The following EGFR variants were observed in gnomAD, a reference collection of about 807,000 sequenced individuals.
EGFR encodes epidermal growth factor receptor.
In EGFR, 58 loss-of-function variants were observed where a neutral mutation model predicts 143.0. The ratio of observed to expected loss-of-function variants is 0.41; its 90% CI spans 0.33 to 0.50. The LOEUF is 0.50. Ranked by LOEUF, EGFR falls within the 20% of genes least tolerant of loss-of-function variation. The pLI, the probability that EGFR is intolerant of heterozygous loss-of-function variation, is 0.39. For missense variants in EGFR, 1,307 were observed against 1,579.0 expected, an observed-to-expected ratio of 0.83 and a Z score of 2.92; for synonymous variants, 613 against 594.4, an observed-to-expected ratio of 1.03 and a Z score of -0.45.
intron 1 of EGFR, among the ~76,000 whole-genome samples, chr7:55,059,924 G>T (rs145440267): frequency 2.9e-3 from 445 of 152,076 alleles, no homozygotes; most frequent in Non-Finnish European, 4.8e-3. Flanking sequence ...GTGGAAGTAG[G>T]GCTGGAGACA....
chr7:55,165,235 AAAAG>A (rs1356397797), intron 14 of EGFR, 41 bp from the exon 15 acceptor site: 2 of 1,613,350 alleles, frequency 1.2e-6, no homozygotes, highest in South Asian at 1.1e-5. Flanking sequence ...TTTGAAAGAG[AAAAG>A]AAAGAGACAT....
chr7:55,052,596 C>T (rs1000535016), intron 1 of EGFR, among the ~76,000 whole-genome samples: 3 of 152,144 alleles, frequency 2.0e-5, no homozygotes, highest in Non-Finnish European at 2.9e-5. Flanking sequence ...AGGAAGCTTG[C>T]GAAGCTCAGG....
chr7:55,205,199 C>A, intron 27 of EGFR, 57 bp from the exon 28 acceptor site: 3 of 1,604,068 alleles, frequency 1.9e-6, no homozygotes, highest in Non-Finnish European at 2.5e-6. Flanking sequence ...ACCCAGGGAT[C>A]CTGCATGGGA....
At chr7:55,186,816 C>G (rs1413081552) in intron 20 of EGFR, among the ~76,000 whole-genome samples, 1 of 152,198 alleles carries the variant, frequency 6.6e-6, no homozygotes. Flanking sequence ...GGAAGCAGGT[C>G]AGAGCAGGAG....
intron 1 of EGFR, among the ~76,000 whole-genome samples, chr7:55,047,519 G>A (rs1788245526): frequency 6.6e-6 from 1 of 152,208 alleles, no homozygotes; most frequent in African/African-American, 2.4e-5. Flanking sequence ...GGAGGCAGAG[G>A]CAGGTGGATC....
chr7:55,160,990 A>G (rs1209080762), intron 12 of EGFR, among the ~76,000 whole-genome samples: 1 of 152,232 alleles, frequency 6.6e-6, no homozygotes. Flanking sequence ...CACACAGCCA[A>G]TGGCCCAATG....
chr7:55,168,299 CA>C (rs980963995), intron 15 of EGFR, among the ~76,000 whole-genome samples: 1 of 152,168 alleles, frequency 6.6e-6, no homozygotes, highest in African/African-American at 2.4e-5. Context: ...AATAGATGTG[CA>C]TCAGTATCTC....
At chr7:55,093,314 T>G (rs1791240586) in intron 1 of EGFR, among the ~76,000 whole-genome samples, 2 of 152,232 alleles carry the variant, frequency 1.3e-5, no homozygotes, top group African/African-American at 4.8e-5. Context: ...AAAATCATTT[T>G]TCTGTGCTTT....
intron 20 of EGFR, among the ~76,000 whole-genome samples, chr7:55,190,479 G>A (rs763528322): frequency 1.7e-4 from 26 of 152,000 alleles, no homozygotes; most frequent in Non-Finnish European, 2.9e-5. Flanking sequence ...GCTCTGACAT[G>A]CCAATTCAAC....
At chr7:55,139,857 T>C (rs951091827) in intron 1 of EGFR, among the ~76,000 whole-genome samples, 5 of 152,144 alleles carry the variant, frequency 3.3e-5, no homozygotes, top group African/African-American at 1.2e-4. Flanking sequence ...GTTTTGTGAA[T>C]TAAGATTTAC....
chr7:55,167,439 G>A (rs1786104427), intron 15 of EGFR, among the ~76,000 whole-genome samples: 1 of 150,870 alleles, frequency 6.6e-6, no homozygotes, highest in Non-Finnish European at 1.5e-5. Context: ...TGATGAGGAG[G>A]TGGGAGTCAC....
chr7:55,181,086 A>C, intron 19 of EGFR: 1 of 637,964 alleles, frequency 1.6e-6, no homozygotes, highest in Non-Finnish European at 2.7e-6. Flanking sequence ...TGCACCCAGG[A>C]GGGGCCCTCT....
At chr7:55,189,616 G>A (rs1445952469) in intron 20 of EGFR, among the ~76,000 whole-genome samples, 1 of 152,198 alleles carries the variant, frequency 6.6e-6, no homozygotes, top group Admixed American at 6.5e-5. Context: ...ATTTTAAATA[G>A]AGAGGGAGAA....
intron 4 of EGFR, among the ~76,000 whole-genome samples, chr7:55,147,165 T>G (rs1794810560): frequency 1.3e-5 from 2 of 152,208 alleles, no homozygotes; most frequent in African/African-American, 4.8e-5. Flanking sequence ...GCATGAACAC[T>G]GCCACATGGA....
At chr7:55,114,345 G>A (rs1399285679) in intron 1 of EGFR, among the ~76,000 whole-genome samples, 1 of 152,182 alleles carries the variant, frequency 6.6e-6, no homozygotes, top group Non-Finnish European at 1.5e-5. Flanking sequence ...AATTAGCCAG[G>A]TGTAGTGGCA....
intron 18 of EGFR, 87 bp from the exon 19 acceptor site, chr7:55,174,635 G>A (rs1427909932): frequency 2.6e-5 from 30 of 1,149,728 alleles, no homozygotes; most frequent in East Asian, 1.7e-4. Flanking sequence ...GGGGTGCATC[G>A]CTGGTAACAT....
At chr7:55,029,909 C>T (rs1365267651) in intron 1 of EGFR, among the ~76,000 whole-genome samples, 1 of 152,204 alleles carries the variant, frequency 6.6e-6, no homozygotes, top group Non-Finnish European at 1.5e-5. Context: ...AATAAGTGTG[C>T]TGTCCCTATA....
At chr7:55,103,670 A>G (rs1028775452) in intron 1 of EGFR, among the ~76,000 whole-genome samples, 5 of 152,224 alleles carry the variant, frequency 3.3e-5, no homozygotes, top group African/African-American at 1.2e-4. Flanking sequence ...GGGTGTTTGG[A>G]TATTGGATGG....
chr7:55,201,939 C>T (rs936051572), intron 26 of EGFR, among the ~76,000 whole-genome samples, 157 bp downstream of exon 26: 1 of 151,932 alleles, frequency 6.6e-6, no homozygotes, highest in Non-Finnish European at 1.5e-5. Context: ...CCTCACAGTG[C>T]CGTTCAAAGC....
Sources: gnomAD v4.1 joint callset for allele counts (sites outside exome capture counted in the v4.1 genomes callset) on GRCh38, gnomAD v4.1.1 for gene constraint, MANE v1.5 for transcripts, NCBI Gene and HGNC (gene_info 2026-07-23, HGNC 2026-07-21) for gene names.